Variants in ERC2 observed in about 807,000 individuals in gnomAD.
The protein encoded by ERC2 is ERC protein 2.
Under a neutral mutation model 114.8 loss-of-function variants are expected in ERC2, and 42 were observed. That is an observed-to-expected ratio of 0.37 (90% CI 0.29 to 0.47). The LOEUF (loss-of-function observed/expected upper bound fraction) is 0.47, where lower values mean the gene tolerates loss of function less well. Ranked by LOEUF, ERC2 falls within the 20% of genes least tolerant of loss-of-function variation. The pLI, the probability that ERC2 is intolerant of heterozygous loss-of-function variation, is 0.99. For synonymous variants in ERC2, 454 were observed against 425.5 expected (o/e 1.07, Z -0.82); for missense variants, 939 against 1,150.7 (o/e 0.82, Z 2.66).
intron 17 of ERC2, among the ~76,000 whole-genome samples, chr3:55,652,872 A>C (rs963784448): frequency 4.0e-5 from 6 of 151,872 alleles, no homozygotes; most frequent in Admixed American, 3.9e-4. Context: ...AAAAAAAAAA[A>C]AAAAAAAAAA....
At chr3:56,349,154 A>G (rs562011043) in intron 2 of ERC2, among the ~76,000 whole-genome samples, 1 of 152,296 alleles carries the variant, frequency 6.6e-6, no homozygotes, top group African/African-American at 2.4e-5. Flanking sequence ...TTTAAGTAAT[A>G]TTTACAGAAC....
At chr3:55,908,690 A>G (rs752874299) in intron 13 of ERC2, among the ~76,000 whole-genome samples, 15 of 152,078 alleles carry the variant, frequency 9.9e-5, no homozygotes, top group Non-Finnish European at 1.8e-4. Context: ...CATGAATTAG[A>G]TGAGCTTTAA....
intron 17 of ERC2, among the ~76,000 whole-genome samples, chr3:55,581,202 A>G (rs1170334439): frequency 1.3e-5 from 2 of 152,204 alleles, no homozygotes; most frequent in Non-Finnish European, 2.9e-5. Context: ...GGTATTATCA[A>G]TCTTTCTCTT....
chr3:56,086,529 C>T (rs2077512436), intron 6 of ERC2, among the ~76,000 whole-genome samples: 1 of 150,164 alleles, frequency 6.7e-6, no homozygotes, highest in Admixed American at 6.7e-5. Flanking sequence ...TTGACATGAA[C>T]CACAGGCAAT....
chr3:55,640,202 C>T (rs545610776), intron 17 of ERC2, among the ~76,000 whole-genome samples: 1 of 152,322 alleles, frequency 6.6e-6, no homozygotes, highest in African/African-American at 2.4e-5. Context: ...GGACTTCCTG[C>T]TTCCTTGATA....
intron 15 of ERC2, among the ~76,000 whole-genome samples, chr3:55,723,436 A>G (rs1410770104): frequency 1.3e-5 from 2 of 152,228 alleles, no homozygotes; most frequent in Admixed American, 6.5e-5. Flanking sequence ...AGAATGCTAC[A>G]AAATCAAATC....
intron 2 of ERC2, among the ~76,000 whole-genome samples, chr3:56,333,726 T>C (rs2057733561): frequency 6.6e-6 from 1 of 152,144 alleles, no homozygotes; most frequent in East Asian, 1.9e-4. Context: ...AGGAAAAAGG[T>C]AATTTTTCAA....
chr3:55,792,780 A>C (rs1187247400), intron 14 of ERC2, among the ~76,000 whole-genome samples: 1 of 152,246 alleles, frequency 6.6e-6, no homozygotes, highest in Non-Finnish European at 1.5e-5. Context: ...CCTTGGCAGC[A>C]CTTCAATAGC....
chr3:56,183,249 A>C (rs2083388814), intron 3 of ERC2, among the ~76,000 whole-genome samples: 1 of 152,232 alleles, frequency 6.6e-6, no homozygotes, highest in Non-Finnish European at 1.5e-5. Context: ...CAAGAAGTTA[A>C]AAATAAAAGT....
Position 56,169,683 on chromosome 3 carries a change from A to G in ERC2, c.1149+3763T>C, listed in dbSNP as rs114605404. Among the ~76,000 whole-genome samples, 64 of 152,308 alleles carry G rather than the reference A, an allele frequency of 4.2e-4. 1 individual carries two copies. Among genetic ancestry groups the G allele is most frequent in the African/African-American group, 1.5e-3 (62 of 41,578 alleles). On this transcript the variant is annotated intron_variant, in intron 4 of 17. Coordinates refer to ENST00000288221, the MANE Select transcript of ERC2 (RefSeq NM_015576.3). The stretch of plus-strand genomic sequence containing the variant: ...TTTTTTTCCAGTAAATTTTTTTCCA[A>G]TAAATTTCCTTTTGACTTCAGCCAC...
chr3:55,754,654 A>G (rs2066936808), intron 14 of ERC2, among the ~76,000 whole-genome samples: 1 of 151,102 alleles, frequency 6.6e-6, no homozygotes, highest in South Asian at 2.1e-4. Context: ...ATATCAATGA[A>G]CTGCTATGAT....
intron 16 of ERC2, among the ~76,000 whole-genome samples, chr3:55,695,168 G>A (rs750250878): frequency 1.7e-4 from 26 of 152,192 alleles, no homozygotes; most frequent in Non-Finnish European, 3.5e-4. Flanking sequence ...TTGGCTTTGT[G>A]AAATCAATCT....
chr3:56,124,149 T>C (rs1189671988), intron 6 of ERC2, among the ~76,000 whole-genome samples: 1 of 152,224 alleles, frequency 6.6e-6, no homozygotes, highest in Non-Finnish European at 1.5e-5. Flanking sequence ...GCTGCTATTA[T>C]TTTATTCTTA....
At chr3:55,868,438 G>A (rs1227498317) in intron 14 of ERC2, among the ~76,000 whole-genome samples, 1 of 152,208 alleles carries the variant, frequency 6.6e-6, no homozygotes, top group African/African-American at 2.4e-5. Flanking sequence ...GAAGTGAATG[G>A]TGCCAAGAGA....
intron 13 of ERC2, among the ~76,000 whole-genome samples, chr3:55,912,467 T>C (rs2064863896): frequency 6.6e-6 from 1 of 152,220 alleles, no homozygotes; most frequent in Non-Finnish European, 1.5e-5. Context: ...ATGCCTTGTC[T>C]TTATTATTAC....
chr3:55,522,213 T>G lies in ERC2; in HGVS notation c.*40-10937A>C, dbSNP rs542817800. On this transcript the variant is annotated intron_variant, in intron 17 of 17. Coordinates refer to ENST00000288221, the MANE Select transcript of ERC2 (RefSeq NM_015576.3). ...CTTCTCTGGGGGGAGGGGACCATTTTTGGTAGGGGAGAAGGGAAAAGGGAA... is the reference window on the plus strand; with the variant it reads ...CTTCTCTGGGGGGAGGGGACCATTTGTGGTAGGGGAGAAGGGAAAAGGGAA... Among the ~76,000 whole-genome samples the G allele has an allele frequency of 7.9e-5, 12 of 152,260 alleles. No homozygotes were observed. The East Asian group carries it at 2.1e-3, about 27-fold the overall frequency.
chr3:56,193,834 T>C (rs969975294), intron 3 of ERC2, among the ~76,000 whole-genome samples: 10 of 152,180 alleles, frequency 6.6e-5, no homozygotes, highest in Non-Finnish European at 4.4e-5. Context: ...GCCCAAATGC[T>C]GGATCTCATA....
intron 3 of ERC2, among the ~76,000 whole-genome samples, chr3:56,259,586 AT>A (rs2052769402): frequency 6.6e-6 from 1 of 152,112 alleles, no homozygotes; most frequent in Non-Finnish European, 1.5e-5. Flanking sequence ...TTGATATAAT[AT>A]CCCAGATACC....
chr3:56,381,866 C>G (rs2059766368), intron 2 of ERC2, among the ~76,000 whole-genome samples: 1 of 152,056 alleles, frequency 6.6e-6, no homozygotes, highest in Non-Finnish European at 1.5e-5. Flanking sequence ...TTCTCAAAAT[C>G]CCTTCACTGT....
Sources: allele counts gnomAD v4.1 joint callset (sites outside exome capture counted in the v4.1 genomes callset), GRCh38; gene constraint gnomAD v4.1.1; transcripts MANE v1.5; gene names NCBI Gene and HGNC (gene_info 2026-07-23, HGNC 2026-07-21).